Variants in SLC35F1 observed in about 807,000 individuals in gnomAD.
SLC35F1 encodes the protein chromosome 6 open reading frame 169.
In SLC35F1, 14 loss-of-function variants were observed where a neutral mutation model predicts 48.7. The observed-to-expected ratio is 0.29, with a 90% CI of 0.19 to 0.45. The LOEUF is 0.45. Ranked by LOEUF, SLC35F1 falls within the 20% of genes least tolerant of loss-of-function variation. SLC35F1 has a pLI of 1.00. For missense variants in SLC35F1, 404 were observed against 500.0 expected (o/e 0.81, Z 1.83); for synonymous variants, 190 against 202.2 (o/e 0.94, Z 0.51).
chr6:118,021,300 T>G (rs1002480358), intron 1 of SLC35F1, among the ~76,000 whole-genome samples: 1 of 152,220 alleles, frequency 6.6e-6, no homozygotes, highest in Admixed American at 6.5e-5. Flanking sequence ...AGACTGGTAC[T>G]GAAATGGGAA....
chr6:117,957,526 C>G (rs1053051484), intron 1 of SLC35F1, among the ~76,000 whole-genome samples: 7 of 152,098 alleles, frequency 4.6e-5, no homozygotes, highest in Non-Finnish European at 5.9e-5. Context: ...TTCCTTTGGA[C>G]TATTTATTGA....
intron 1 of SLC35F1, among the ~76,000 whole-genome samples, chr6:118,022,375 C>T (rs1218527443): frequency 6.6e-6 from 1 of 152,092 alleles, no homozygotes; most frequent in Non-Finnish European, 1.5e-5. Flanking sequence ...GATGGTAAAA[C>T]TCGGAAATGG....
chr6:117,932,852 G>A (rs1776119531), intron 1 of SLC35F1, among the ~76,000 whole-genome samples: 3 of 152,034 alleles, frequency 2.0e-5, no homozygotes, highest in Admixed American at 2.0e-4. Flanking sequence ...GGATTCCAGG[G>A]CCCGTGAGCC....
chr6:118,022,187 C>T (rs9398476), intron 1 of SLC35F1, among the ~76,000 whole-genome samples: 35,992 of 152,010 alleles, frequency 0.24, 4,538 homozygotes, highest in African/African-American at 0.31. Context: ...AGTTTTGTTA[C>T]AAAGTCTTTC....
chr6:118,197,219 A>G (rs1774813999), intron 2 of SLC35F1, among the ~76,000 whole-genome samples: 1 of 151,430 alleles, frequency 6.6e-6, no homozygotes, highest in South Asian at 2.1e-4. Flanking sequence ...TCCTTTCTTT[A>G]CTTCCCCCCT....
intron 2 of SLC35F1, among the ~76,000 whole-genome samples, chr6:118,183,707 C>T (rs957923343): frequency 1.3e-5 from 2 of 152,058 alleles, no homozygotes; most frequent in East Asian, 1.9e-4. Flanking sequence ...CAAGAAGCTC[C>T]AACCTAGTTA....
intron 1 of SLC35F1, among the ~76,000 whole-genome samples, chr6:118,126,698 T>C (rs1307610129): frequency 1.3e-5 from 2 of 151,746 alleles, no homozygotes; most frequent in Non-Finnish European, 2.9e-5. Flanking sequence ...GTCCTTCACG[T>C]CCCTTGTAAG....
At chr6:118,060,998 T>C (rs1016303913) in intron 1 of SLC35F1, among the ~76,000 whole-genome samples, 1 of 152,238 alleles carries the variant, frequency 6.6e-6, no homozygotes, top group Non-Finnish European at 1.5e-5. Context: ...TTTTTCTCTC[T>C]AGTAAAATTT....
chr6:118,174,148 C>T (rs1271870065), intron 2 of SLC35F1, among the ~76,000 whole-genome samples: 2 of 151,970 alleles, frequency 1.3e-5, no homozygotes, highest in African/African-American at 4.8e-5. Flanking sequence ...TTTTTTTATA[C>T]AAAATGTGCA....
intron 1 of SLC35F1, among the ~76,000 whole-genome samples, chr6:117,969,510 AGAT>A (rs1776612647): frequency 6.6e-6 from 1 of 152,212 alleles, no homozygotes; most frequent in South Asian, 2.1e-4. Context: ...GGATCGCTTG[AGAT>A]GAGTTTGAGA....
chr6:118,096,728 T>C (rs1773181792), intron 1 of SLC35F1, among the ~76,000 whole-genome samples: 1 of 152,200 alleles, frequency 6.6e-6, no homozygotes. Context: ...TTGGACCATT[T>C]ATTCATTCAA....
At chr6:118,279,851 C>T (rs929294777) in intron 6 of SLC35F1, among the ~76,000 whole-genome samples, 1 of 152,166 alleles carries the variant, frequency 6.6e-6, no homozygotes, top group South Asian at 2.1e-4. Context: ...ATTTCTCTGC[C>T]TCCCCACTTT....
At chr6:118,119,746 A>T (rs764311875) in intron 1 of SLC35F1, among the ~76,000 whole-genome samples, 1 of 152,188 alleles carries the variant, frequency 6.6e-6, no homozygotes, top group Non-Finnish European at 1.5e-5. Flanking sequence ...AATTCAAATT[A>T]CATAAATAAC....
intron 1 of SLC35F1, among the ~76,000 whole-genome samples, chr6:117,922,166 G>C: frequency 6.6e-6 from 1 of 152,162 alleles, no homozygotes. Context: ...GGTTGGAGGA[G>C]ATAACACTTG....
intron 1 of SLC35F1, among the ~76,000 whole-genome samples, chr6:118,045,650 T>C (rs1206300852): frequency 6.6e-6 from 1 of 152,128 alleles, no homozygotes; most frequent in East Asian, 1.9e-4. Flanking sequence ...ATCAGGGTGA[T>C]TATGAGGTTC....
intron 1 of SLC35F1, among the ~76,000 whole-genome samples, chr6:117,916,484 G>A (rs1775827409): frequency 6.6e-6 from 1 of 152,124 alleles, no homozygotes; most frequent in South Asian, 2.1e-4. Context: ...GGGGGCATCA[G>A]GTTGGTACTA....
chr6:118,074,436 C>T (rs1252867445), intron 1 of SLC35F1, among the ~76,000 whole-genome samples: 1 of 152,088 alleles, frequency 6.6e-6, no homozygotes, highest in Non-Finnish European at 1.5e-5. Flanking sequence ...GTGAGGAGGT[C>T]ACACATTTCA....
chr6:118,084,610 C>T (rs530498151), intron 1 of SLC35F1, among the ~76,000 whole-genome samples: 36 of 152,096 alleles, frequency 2.4e-4, no homozygotes, highest in Middle Eastern at 3.4e-3. Context: ...TGCTTCAAAG[C>T]AATACTAAAG....
intron 2 of SLC35F1, among the ~76,000 whole-genome samples, chr6:118,215,236 C>T (rs183273918): frequency 1.3e-5 from 2 of 152,174 alleles, no homozygotes; most frequent in Admixed American, 1.3e-4. Context: ...TTTGGCCAGA[C>T]CGCAAGGTAT....
Sources: allele counts gnomAD v4.1 joint callset (sites outside exome capture counted in the v4.1 genomes callset), GRCh38; gene constraint gnomAD v4.1.1; transcripts MANE v1.5; gene names NCBI Gene and HGNC (gene_info 2026-07-23, HGNC 2026-07-21).